The following CNTN4 variants were observed in gnomAD, a reference collection of about 807,000 sequenced individuals.
CNTN4 encodes contactin-4.
A neutral mutation model predicts 122.5 loss-of-function variants in CNTN4; 77 were observed. The ratio of observed to expected loss-of-function variants is 0.63; its 90% CI spans 0.52 to 0.76. The LOEUF (loss-of-function observed/expected upper bound fraction) is 0.76. CNTN4 is among the 30% of genes least tolerant of loss of function. The pLI is 0.00. For missense variants in CNTN4, 1,256 were observed against 1,259.1 expected (o/e 1.00, Z 0.04); for synonymous variants, 512 against 447.0 (o/e 1.15, Z -1.83).
Position 2,361,934 on chromosome 3 carries a change from A to G in CNTN4, c.-89+22701A>G, listed in dbSNP as rs77285494. On this transcript the variant is annotated intron_variant, in intron 3 of 24. Coordinates refer to ENST00000418658, the MANE Select transcript of CNTN4 (RefSeq NM_175607.3). The stretch of plus-strand genomic sequence containing the variant: ...CATATTAAAATTTTAATATAGATAC[A>G]TGATTTATGGTCAGCAGAAACACAG... Among the ~76,000 whole-genome samples, 49 of 152,316 alleles carry G rather than the reference A, an allele frequency of 3.2e-4. 1 individual carries two copies. The East Asian group carries it at 9.1e-3, about 28-fold the overall frequency.
intron 4 of CNTN4, among the ~76,000 whole-genome samples, chr3:2,663,632 A>C (rs1301461635): frequency 6.6e-6 from 1 of 152,312 alleles, no homozygotes; most frequent in African/African-American, 2.4e-5. Context: ...TTAGAACAAA[A>C]CCACACACCA....
intron 2 of CNTN4, among the ~76,000 whole-genome samples, chr3:2,330,112 C>G (rs368121187): frequency 7.2e-5 from 11 of 152,296 alleles, no homozygotes; most frequent in African/African-American, 2.6e-4. Flanking sequence ...TGACCGCCTC[C>G]TTGGGTTCAG....
chr3:2,785,144 T>TAGAG (rs2091763060), intron 6 of CNTN4, among the ~76,000 whole-genome samples: 1 of 141,226 alleles, frequency 7.1e-6, no homozygotes, highest in Non-Finnish European at 1.5e-5. Flanking sequence ...CACACATATA[T>TAGAG]ATAGAGAGAG....
At chr3:2,987,788 G>A (rs1254295662) in intron 13 of CNTN4, among the ~76,000 whole-genome samples, 1 of 152,066 alleles carries the variant, frequency 6.6e-6, no homozygotes, top group East Asian at 1.9e-4. Flanking sequence ...TTGCTCTTCT[G>A]CCAAAGTCAC....
At chr3:2,857,588 G>A (rs1277818395) in intron 7 of CNTN4, among the ~76,000 whole-genome samples, 3 of 151,862 alleles carry the variant, frequency 2.0e-5, no homozygotes, top group Non-Finnish European at 4.4e-5. Context: ...TTTTTGTTTT[G>A]TTTTTTTGAG....
intron 6 of CNTN4, among the ~76,000 whole-genome samples, chr3:2,783,071 G>T (rs1165256117): frequency 6.6e-6 from 1 of 152,050 alleles, no homozygotes; most frequent in African/African-American, 2.4e-5. Flanking sequence ...TTGAGGCCAG[G>T]AGTTCAGGAC....
At chr3:2,101,396 TTTC>T (rs772277090) in intron 2 of CNTN4, among the ~76,000 whole-genome samples, 2 of 152,228 alleles carry the variant, frequency 1.3e-5, no homozygotes, top group African/African-American at 2.4e-5. Flanking sequence ...TAACTTGTTG[TTTC>T]TTCTTTGTTA....
intron 2 of CNTN4, among the ~76,000 whole-genome samples, chr3:2,335,363 A>C (rs1266858019): frequency 6.6e-6 from 1 of 152,096 alleles, no homozygotes; most frequent in African/African-American, 2.4e-5. Context: ...CAGTGTTCTC[A>C]TGGATTACCT....
chr3:2,166,692 T>C (rs1250515962), intron 2 of CNTN4, among the ~76,000 whole-genome samples: 1 of 152,146 alleles, frequency 6.6e-6, no homozygotes, highest in Non-Finnish European at 1.5e-5. Flanking sequence ...GTGAATGCTG[T>C]GTAGTGTAAG....
At chr3:2,160,978 A>G (rs2035942356) in intron 2 of CNTN4, among the ~76,000 whole-genome samples, 1 of 152,114 alleles carries the variant, frequency 6.6e-6, no homozygotes, top group Non-Finnish European at 1.5e-5. Flanking sequence ...ATAACTAATC[A>G]TACTGTTGTT....
intron 3 of CNTN4, among the ~76,000 whole-genome samples, chr3:2,354,670 A>G (rs1462860947): frequency 6.6e-6 from 1 of 152,144 alleles, no homozygotes; most frequent in Non-Finnish European, 1.5e-5. Flanking sequence ...TGAGAGTCTG[A>G]TATTAGCAGC....
At chr3:2,356,914 A>G (rs1191939790) in intron 3 of CNTN4, among the ~76,000 whole-genome samples, 1 of 152,232 alleles carries the variant, frequency 6.6e-6, no homozygotes, top group Non-Finnish European at 1.5e-5. Flanking sequence ...TATAAGAGAC[A>G]TTTAGATACT....
intron 2 of CNTN4, among the ~76,000 whole-genome samples, chr3:2,197,661 T>TA (rs2037908016): frequency 6.6e-6 from 1 of 152,048 alleles, no homozygotes; most frequent in Admixed American, 6.6e-5. Context: ...GTATCCTAAA[T>TA]AAAAAATACC....
chr3:2,399,898 T>C (rs559421189), intron 3 of CNTN4, among the ~76,000 whole-genome samples: 3 of 152,240 alleles, frequency 2.0e-5, no homozygotes, highest in African/African-American at 7.2e-5. Context: ...GGAAATCTAC[T>C]TGTAAAGAGT....
chr3:2,534,938 G>C (rs2077742084), intron 3 of CNTN4, among the ~76,000 whole-genome samples: 1 of 150,658 alleles, frequency 6.6e-6, no homozygotes, highest in Non-Finnish European at 1.5e-5. Flanking sequence ...GTGTGTTGAG[G>C]AGATGGGATT....
intron 3 of CNTN4, among the ~76,000 whole-genome samples, chr3:2,467,089 C>G (rs1310574797): frequency 2.7e-5 from 4 of 145,872 alleles, no homozygotes; most frequent in African/African-American, 1.0e-4. Context: ...CTTCCAGTAT[C>G]GCTAATACAT....
At chr3:2,466,381 T>C (rs1046560579) in intron 3 of CNTN4, among the ~76,000 whole-genome samples, 2 of 152,226 alleles carry the variant, frequency 1.3e-5, no homozygotes, top group Non-Finnish European at 1.5e-5. Flanking sequence ...TCTTAACTTG[T>C]ATCTTTCACC....
At chr3:2,174,999 A>G (rs2036687465) in intron 2 of CNTN4, among the ~76,000 whole-genome samples, 1 of 152,178 alleles carries the variant, frequency 6.6e-6, no homozygotes, top group Non-Finnish European at 1.5e-5. Context: ...GGAGTTTACA[A>G]TTCAACATGA....
intron 2 of CNTN4, among the ~76,000 whole-genome samples, chr3:2,247,339 A>T (rs528231536): frequency 6.6e-6 from 1 of 152,132 alleles, no homozygotes; most frequent in Non-Finnish European, 1.5e-5. Context: ...ATTAGAGCAG[A>T]TCTACTTTTC....
Sources: allele counts gnomAD v4.1 joint callset (sites outside exome capture counted in the v4.1 genomes callset), GRCh38; gene constraint gnomAD v4.1.1; transcripts MANE v1.5; gene names NCBI Gene and HGNC (gene_info 2026-07-23, HGNC 2026-07-21).